PVT1: variants seen among roughly 807,000 people sequenced by gnomAD.
PVT1 encodes the protein Pvt1 oncogene.
intron 3 of PVT1, among the ~76,000 whole-genome samples, chr8:127,912,951 A>T (rs1815924873): frequency 6.6e-6 from 1 of 151,272 alleles, no homozygotes; most frequent in Admixed American, 6.6e-5. Flanking sequence ...ACCTGCCTTC[A>T]CCTCCCAAAG....
intron 3 of PVT1, among the ~76,000 whole-genome samples, chr8:127,973,343 A>G (rs1816785701): frequency 6.6e-6 from 1 of 152,224 alleles, no homozygotes. Context: ...AGCCGCGACT[A>G]CTGCCAGGAG....
At chr8:127,824,054 A>G (rs1204754785) in intron 2 of PVT1, among the ~76,000 whole-genome samples, 2 of 152,096 alleles carry the variant, frequency 1.3e-5, no homozygotes, top group African/African-American at 2.4e-5. Context: ...TTAGCCATAC[A>G]TGGTGGAGTG....
intron 2 of PVT1, among the ~76,000 whole-genome samples, chr8:127,860,741 G>T (rs1032795564): frequency 6.7e-6 from 1 of 150,028 alleles, no homozygotes; most frequent in African/African-American, 2.5e-5. Flanking sequence ...CTCCAGCCTG[G>T]GTGACAGAGC....
intron 4 of PVT1, among the ~76,000 whole-genome samples, chr8:128,066,272 A>G (rs929647002): frequency 4.6e-5 from 7 of 152,124 alleles, no homozygotes; most frequent in Non-Finnish European, 1.0e-4. Flanking sequence ...TTGACATGTC[A>G]TTTCTGGCCT....
chr8:127,888,779 CA>C (rs1353555089), intron 2 of PVT1, among the ~76,000 whole-genome samples: 14 of 152,336 alleles, frequency 9.2e-5, no homozygotes, highest in Admixed American at 4.6e-4. Context: ...TCTCAGCCAC[CA>C]GAAAGAAATG....
intron 2 of PVT1, among the ~76,000 whole-genome samples, chr8:127,828,740 C>A (rs908931498): frequency 8.6e-5 from 13 of 152,010 alleles, no homozygotes; most frequent in African/African-American, 3.1e-4. Context: ...GTCCGCCCCC[C>A]CAGACTCATC....
intron 3 of PVT1, among the ~76,000 whole-genome samples, chr8:127,933,578 C>T (rs1386044129): frequency 6.6e-6 from 1 of 152,138 alleles, no homozygotes; most frequent in Non-Finnish European, 1.5e-5. Flanking sequence ...ACAGGGTGGG[C>T]AGGAGAGAGA....
chr8:127,970,808 A>G (rs1816757591), intron 3 of PVT1, among the ~76,000 whole-genome samples: 1 of 152,232 alleles, frequency 6.6e-6, no homozygotes, highest in Admixed American at 6.5e-5. Context: ...AATCACTATT[A>G]CCTTAAAGCC....
At chr8:127,850,233 TCCCTTTAAGAGGACCTAG>T in intron 2 of PVT1, among the ~76,000 whole-genome samples, 1 of 152,278 alleles carries the variant, frequency 6.6e-6, no homozygotes, top group South Asian at 2.1e-4. Flanking sequence ...AAGGTGTGCC[TCCCTTTAAGAGGACCTAG>T]CGGTCGGTCT....
At chr8:127,799,007 G>T (rs1014686591) in intron 2 of PVT1, among the ~76,000 whole-genome samples, 1 of 151,954 alleles carries the variant, frequency 6.6e-6, no homozygotes, top group African/African-American at 2.4e-5. Flanking sequence ...ACAATGTCAG[G>T]TCATAAAACA....
At chr8:127,869,072 T>C (rs1815323365) in intron 2 of PVT1, among the ~76,000 whole-genome samples, 1 of 151,936 alleles carries the variant, frequency 6.6e-6, no homozygotes, top group African/African-American at 2.4e-5. Flanking sequence ...TTGTTAAAAT[T>C]ACAATGAATT....
intron 2 of PVT1, among the ~76,000 whole-genome samples, chr8:127,877,713 G>C (rs937510877): frequency 6.6e-6 from 1 of 152,058 alleles, no homozygotes; most frequent in Non-Finnish European, 1.5e-5. Flanking sequence ...GTCAAACTTA[G>C]TGAACTTTCT....
At chr8:127,900,201 C>G (rs565806032) in intron 3 of PVT1, among the ~76,000 whole-genome samples, 2 of 152,108 alleles carry the variant, frequency 1.3e-5, no homozygotes, top group African/African-American at 4.8e-5. Context: ...ACCACCACAC[C>G]TGGCTAATTT....
chr8:127,976,721 T>G (rs4476972), intron 3 of PVT1, among the ~76,000 whole-genome samples: 118,716 of 152,084 alleles, frequency 0.78, 47,054 homozygotes, highest in African/African-American at 0.91. Flanking sequence ...CCATATCATA[T>G]ATCAGGTCTG....
chr8:128,068,445 C>T (rs1400631884), intron 4 of PVT1, among the ~76,000 whole-genome samples: 7 of 152,132 alleles, frequency 4.6e-5, no homozygotes, highest in South Asian at 2.1e-4. Context: ...AATCAGACAA[C>T]GGTAATGTAC....
At chr8:128,053,894 A>G (rs1813731767) in intron 4 of PVT1, among the ~76,000 whole-genome samples, 1 of 152,218 alleles carries the variant, frequency 6.6e-6, no homozygotes, top group African/African-American at 2.4e-5. Flanking sequence ...CCGTCCTTGT[A>G]TCTGACAGGG....
At chr8:127,908,787 T>A (rs1486112579) in intron 3 of PVT1, among the ~76,000 whole-genome samples, 1 of 152,198 alleles carries the variant, frequency 6.6e-6, no homozygotes, top group Non-Finnish European at 1.5e-5. Flanking sequence ...GAGGAAGGGC[T>A]GCGGAAGGTG....
chr8:127,927,876 A>C (rs1338065248), intron 3 of PVT1, among the ~76,000 whole-genome samples: 3 of 152,222 alleles, frequency 2.0e-5, no homozygotes, highest in Non-Finnish European at 4.4e-5. Context: ...AGCTCATAGG[A>C]TTAAATACAC....
At chr8:128,084,938 G>C (rs1332926656) in intron 5 of PVT1, among the ~76,000 whole-genome samples, 2 of 152,158 alleles carry the variant, frequency 1.3e-5, no homozygotes, top group African/African-American at 2.4e-5. Flanking sequence ...CACCAGACAA[G>C]TCATTCCAAA....
Sources: gnomAD v4.1 joint callset for allele counts (sites outside exome capture counted in the v4.1 genomes callset) on GRCh38, gnomAD v4.1.1 for gene constraint, MANE v1.5 for transcripts, NCBI Gene and HGNC (gene_info 2026-07-23, HGNC 2026-07-21) for gene names.